The following TSPAN18 variants were observed in gnomAD, a reference collection of about 807,000 sequenced individuals.
TSPAN18 encodes the protein tetraspanin 18.
In TSPAN18, 14 loss-of-function variants were observed where a neutral mutation model predicts 27.3. The observed-to-expected ratio is 0.51, with a 90% CI of 0.34 to 0.80. The LOEUF (loss-of-function observed/expected upper bound fraction) is 0.80. Ranked by LOEUF, TSPAN18 falls within the 30% of genes least tolerant of loss-of-function variation. The pLI, the probability that TSPAN18 is intolerant of heterozygous loss-of-function variation, is 0.01. For missense variants in TSPAN18, 268 were observed against 323.9 expected, an observed-to-expected ratio of 0.83 and a Z score of 1.32; for synonymous variants, 143 against 136.5, an observed-to-expected ratio of 1.05 and a Z score of -0.33.
chr11:44,873,770 T>A lies in TSPAN18; in HGVS notation c.-11+13301T>A, dbSNP rs114991531. On this transcript the variant is annotated intron_variant, in intron 3 of 9. Coordinates refer to ENST00000520358, the MANE Select transcript of TSPAN18 (RefSeq NM_130783.5). ...TTGAAGAGGACTTAGGATGTGCCTGTTACCTGGATACAGAGGCACTGGTCC... is the reference window on the plus strand; with the variant it reads ...TTGAAGAGGACTTAGGATGTGCCTGATACCTGGATACAGAGGCACTGGTCC... 4.1e-3 allele frequency among the ~76,000 whole-genome samples: 628 copies of A among 152,310 alleles called. 2 individuals carry two copies. Among genetic ancestry groups the A allele is most frequent in the African/African-American group, 0.013 (558 of 41,560 alleles).
chr11:44,917,834 G>T, intron 5 of TSPAN18, 138 bp from the exon 6 acceptor site: 1 of 685,360 alleles, frequency 1.5e-6, no homozygotes. Context: ...AAAAATGTCT[G>T]ATAGCAGTGG....
chr11:44,887,374 C>T (rs1362036217), intron 3 of TSPAN18, among the ~76,000 whole-genome samples: 1 of 152,234 alleles, frequency 6.6e-6, no homozygotes, highest in Non-Finnish European at 1.5e-5. Context: ...TACATGCTGA[C>T]TGTACTCAAA....
chr11:44,833,581 A>G (rs900635076), intron 2 of TSPAN18, among the ~76,000 whole-genome samples: 48 of 152,304 alleles, frequency 3.2e-4, no homozygotes, highest in African/African-American at 1.1e-3. Context: ...GAAAAGGCTT[A>G]TAAGGATGAA....
chr11:44,764,964 C>T (rs1004674332), intron 2 of TSPAN18, among the ~76,000 whole-genome samples: 1 of 152,174 alleles, frequency 6.6e-6, no homozygotes, highest in African/African-American at 2.4e-5. Flanking sequence ...TCTAAATCCA[C>T]AAGTACTAGG....
chr11:44,906,336 T>G, intron 3 of TSPAN18, 71 bp from the exon 4 acceptor site: 1 of 1,409,746 alleles, frequency 7.1e-7, no homozygotes, highest in Non-Finnish European at 1.0e-6. Context: ...GGGGAACCCC[T>G]GGGGAGGGGC....
At chr11:44,908,257 G>A (rs777561593) in intron 4 of TSPAN18, among the ~76,000 whole-genome samples, 4 of 152,046 alleles carry the variant, frequency 2.6e-5, no homozygotes, top group Non-Finnish European at 5.9e-5. Flanking sequence ...GTCCTGCTCA[G>A]CCAAGCCAAA....
At chr11:44,908,779 G>GAA (rs1271311521) in intron 4 of TSPAN18, among the ~76,000 whole-genome samples, 36 of 105,828 alleles carry the variant, frequency 3.4e-4, no homozygotes, top group African/African-American at 1.2e-3. Flanking sequence ...GAGAAAGAAA[G>GAA]AAAGAAAGAA....
In TSPAN18 at chr11:44,930,673, C is replaced by T. The variant is rs1860526953; in HGVS notation, c.*1495C>T. The stretch of plus-strand genomic sequence containing the variant: ...GCAAGATGCTCCTACCCTGATAGAT[C>T]AGGGGTGGCTGCTGGAGGCTGTGCT... On this transcript the variant is annotated 3_prime_UTR_variant, in exon 10 of 10. Transcript: ENST00000520358. The T allele has an allele frequency of 3.5e-5, 13 of 368,336 alleles. 1 individual carries two copies. The highest frequency in any genetic ancestry group is 2.6e-4 in the South Asian group (13 of 50,084). 22.8% of individuals were successfully genotyped at this position (368,336 alleles called of 1,614,324 possible).
intron 2 of TSPAN18, among the ~76,000 whole-genome samples, chr11:44,839,640 C>G (rs12282705): frequency 6.6e-6 from 1 of 152,030 alleles, no homozygotes; most frequent in South Asian, 2.1e-4. Context: ...ACACCACCAC[C>G]ACCTGCCTTC....
intron 3 of TSPAN18, among the ~76,000 whole-genome samples, chr11:44,883,392 G>T (rs1858549046): frequency 6.6e-6 from 1 of 152,272 alleles, no homozygotes; most frequent in African/African-American, 2.4e-5. Context: ...AGTGGCCCTC[G>T]GTAGATAGCA....
chr11:44,835,214 G>A (rs1857240716), intron 2 of TSPAN18, among the ~76,000 whole-genome samples: 1 of 152,234 alleles, frequency 6.6e-6, no homozygotes, highest in Middle Eastern at 3.2e-3. Flanking sequence ...CAGCACTGCT[G>A]GAGTATGGGC....
intron 2 of TSPAN18, among the ~76,000 whole-genome samples, chr11:44,769,959 C>T (rs1320880293): frequency 1.3e-5 from 2 of 152,300 alleles, no homozygotes; most frequent in African/African-American, 2.4e-5. Context: ...GGGTAAATCT[C>T]GTTGATTCTG....
At chr11:44,800,181 A>G (rs1590491695) in intron 2 of TSPAN18, among the ~76,000 whole-genome samples, 1 of 151,624 alleles carries the variant, frequency 6.6e-6, no homozygotes, top group Admixed American at 6.6e-5. Context: ...TGAGCCAGGT[A>G]CTCTCTGCCA....
rs775668144 is a variant in TSPAN18, at chr11:44,917,988, T to C, written c.275T>C (p.Leu92Pro). Reference sequence around the variant, plus strand: ...TCCCTGCAGTTCTTCCTGTTCATCCTGATCATCTTCCTGGCAGAGCTCTCA... The same window carrying C: ...TCCCTGCAGTTCTTCCTGTTCATCCCGATCATCTTCCTGGCAGAGCTCTCA... ...CLLLFFFLFILIIFLAELSAA... is the reference protein window; with the variant it reads ...CLLLFFFLFIPIIFLAELSAA... The change falls in exon 6 of 10, where the codon CTG becomes CCG. Residue 92 changes from leucine to proline, a missense_variant. Transcript: ENST00000520358. 1.2e-5 allele frequency: 19 copies of C among 1,614,014 alleles called. No individual in the cohort carries two copies. Among genetic ancestry groups the C allele is most frequent in the Non-Finnish European group, 1.5e-5 (18 of 1,180,022 alleles).
rs1590671474 is a variant in TSPAN18 at position 44,908,831 on chromosome 11, A to AAAGAAAG, written c.64-873_64-872insAGAAAGA. On this transcript the variant is annotated intron_variant, in intron 4 of 9. Transcript: ENST00000520358. ...AGAAAGAAAGAAAGAAAGAAAGAAA[A>AAAGAAAG]AGAAAAATGGAGCAGATATTTATTG... is the stretch of plus-strand genomic sequence containing the variant. 4.7e-3 allele frequency among the ~76,000 whole-genome samples: 449 copies of AAAGAAAG among 96,174 alleles called. 53 individuals carry two copies. The highest frequency in any genetic ancestry group is 0.012 in the African/African-American group (290 of 23,780). The allele number at this position is 96,174 out of a possible 152,430, so 63.1% of individuals were successfully genotyped here. A position where few individuals can be genotyped will look rare whatever the true frequency, so the allele number is the denominator to read the frequency against.
At chr11:44,802,540 T>C (rs1052874462) in intron 2 of TSPAN18, among the ~76,000 whole-genome samples, 2 of 150,840 alleles carry the variant, frequency 1.3e-5, no homozygotes, top group African/African-American at 2.5e-5. Context: ...CCAGAGAAGA[T>C]AGAAGTCAGG....
chr11:44,848,709 C>G (rs914961250), intron 2 of TSPAN18, among the ~76,000 whole-genome samples: 7 of 152,218 alleles, frequency 4.6e-5, no homozygotes, highest in Non-Finnish European at 8.8e-5. Context: ...CATTGGGGTA[C>G]CCCCATTCCC....
intron 2 of TSPAN18, among the ~76,000 whole-genome samples, chr11:44,851,441 A>C (rs1044036925): frequency 6.6e-6 from 1 of 152,152 alleles, no homozygotes; most frequent in South Asian, 2.1e-4. Flanking sequence ...AAATAGATCA[A>C]TGCTCCCTGG....
chr11:44,793,173 G>A (rs1019151989), intron 2 of TSPAN18, among the ~76,000 whole-genome samples: 2 of 152,210 alleles, frequency 1.3e-5, no homozygotes, highest in East Asian at 3.9e-4. Context: ...CAAGAAGCTG[G>A]GCTGACAGGC....
Sources: allele counts gnomAD v4.1 joint callset (sites outside exome capture counted in the v4.1 genomes callset), GRCh38; gene constraint gnomAD v4.1.1; transcripts MANE v1.5; gene names NCBI Gene and HGNC (gene_info 2026-07-23, HGNC 2026-07-21).